The following NHSL2 variants were observed in gnomAD, a reference collection of about 807,000 sequenced individuals.
NHSL2 encodes the protein NHS-like protein 2.
A neutral mutation model predicts 53.4 loss-of-function variants in NHSL2; 27 were observed. That is an observed-to-expected ratio of 0.51 (90% CI 0.37 to 0.70). NHSL2 has a LOEUF of 0.70. NHSL2 is among the 30% of genes least tolerant of loss of function. The probability of loss-of-function intolerance (pLI) is 0.00; values close to 1 mark genes in which losing one functional copy is unlikely to be tolerated. For synonymous variants in NHSL2, 408 were observed against 404.1 expected (o/e 1.01, Z -0.12); for missense variants, 892 against 980.1 (o/e 0.91, Z 1.20).
chrX:72,102,493 A>G (rs2042003342), intron 1 of NHSL2, among the ~76,000 whole-genome samples: 1 of 112,199 alleles, frequency 8.9e-6, no homozygotes. Context: ...ACTCTGTAAA[A>G]TGGGGCTAAA....
At chrX:71,921,034 A>G (rs919992361) in intron 1 of NHSL2, among the ~76,000 whole-genome samples, 2 of 108,915 alleles carry the variant, frequency 1.8e-5, no homozygotes, top group Non-Finnish European at 3.8e-5. Context: ...TGAACTCCTG[A>G]CCTCGTGATC....
chrX:71,989,285 C>T (rs187303047), intron 1 of NHSL2, among the ~76,000 whole-genome samples: 2,102 of 93,681 alleles, frequency 0.022, 61 homozygotes, highest in African/African-American at 0.082. Flanking sequence ...GGAGGCGGAA[C>T]TTGCAGTAAG....
chrX:72,068,073 C>G (rs2042442116), intron 1 of NHSL2, among the ~76,000 whole-genome samples: 2 of 111,872 alleles, frequency 1.8e-5, no homozygotes, highest in South Asian at 7.5e-4. Flanking sequence ...ACTGAAGAAG[C>G]TTCTCTTTGA....
intron 1 of NHSL2, among the ~76,000 whole-genome samples, chrX:72,086,368 G>C (rs1015716588): frequency 8.9e-6 from 1 of 111,938 alleles, no homozygotes; most frequent in African/African-American, 3.3e-5. Context: ...GGAGGCGCAG[G>C]GGTCGGCTTT....
chrX:71,976,298 A>T (rs1489664837), intron 1 of NHSL2, among the ~76,000 whole-genome samples: 1 of 112,002 alleles, frequency 8.9e-6, no homozygotes, highest in East Asian at 2.8e-4. Context: ...CACCTTTCTG[A>T]ATCTCTGTTT....
At chrX:71,972,866 T>TTGTG (rs372160139) in intron 1 of NHSL2, among the ~76,000 whole-genome samples, 8,173 of 93,616 alleles carry the variant, frequency 0.087, 297 homozygotes, top group African/African-American at 0.11. Context: ...ATCTTTATTG[T>TTGTG]TGTGTGTGTG....
chrX:72,007,847 G>A (rs1411509434), intron 1 of NHSL2, among the ~76,000 whole-genome samples: 2 of 113,066 alleles, frequency 1.8e-5, no homozygotes, highest in African/African-American at 6.4e-5. Context: ...GACTTTGGCT[G>A]TGGGGCTGAT....
chrX:72,132,719 C>T (rs1237157741), intron 2 of NHSL2, among the ~76,000 whole-genome samples: 2 of 111,642 alleles, frequency 1.8e-5, no homozygotes, highest in African/African-American at 6.5e-5. Context: ...CAATACACAG[C>T]ACCCAGAGGT....
At chrX:72,086,295 C>G (rs1042712489) in intron 1 of NHSL2, among the ~76,000 whole-genome samples, 7 of 110,062 alleles carry the variant, frequency 6.4e-5, no homozygotes, top group African/African-American at 2.4e-4. Flanking sequence ...GTTGGTTAAA[C>G]AAGGGGGCCC....
chrX:72,067,293 C>T (rs1037143104), intron 1 of NHSL2, among the ~76,000 whole-genome samples: 2 of 111,783 alleles, frequency 1.8e-5, no homozygotes, highest in Non-Finnish European at 1.9e-5. Context: ...TGCCTTTACT[C>T]CCCAAACTCT....
At chrX:72,127,804 G>A (rs977643015) in intron 1 of NHSL2, 6 of 113,128 alleles carry the variant, frequency 5.3e-5, no homozygotes, top group Non-Finnish European at 1.1e-4. Flanking sequence ...CAACAAATTA[G>A]GAGAATGCTT....
Position 72,140,166 on chromosome X carries a change from A to T in NHSL2, c.2618A>T (p.Glu873Val). The change falls in exon 6 of 8, where the codon GAG becomes GTG. Residue 873 changes from glutamate (E) to valine (V), a missense_variant. Glu to Val is a moderately radical substitution (Grantham distance 121). Coordinates refer to ENST00000633930, the MANE Select transcript of NHSL2 (RefSeq NM_001013627.3). ...AGAAAGACAAAACCTCCCGTAGCTGAGAAGCCTCCGGTGGCCCGGAGGCCT... is the reference window on the plus strand; with the variant it reads ...AGAAAGACAAAACCTCCCGTAGCTGTGAAGCCTCCGGTGGCCCGGAGGCCT... ...PERKTKPPVA[E>V]KPPVARRPPS... 1 of 1,211,355 alleles carries T rather than the reference A, an allele frequency of 8.3e-7. No individual in the cohort carries two copies. The highest frequency in any genetic ancestry group is 1.1e-6 in the Non-Finnish European group (1 of 895,186).
chrX:72,033,873 C>T (rs1202407554), intron 1 of NHSL2, among the ~76,000 whole-genome samples: 1 of 111,487 alleles, frequency 9.0e-6, no homozygotes, highest in African/African-American at 3.3e-5. Flanking sequence ...AATTTGTATG[C>T]CTTTTCTTTC....
chrX:71,910,962 G>C lies in NHSL2; in HGVS notation c.-126G>C. 1 of 496,559 alleles carries C rather than the reference G, an allele frequency of 2.0e-6. No homozygotes were observed. Among genetic ancestry groups the C allele is most frequent in the Non-Finnish European group, 2.8e-6 (1 of 362,794 alleles). 40.9% of individuals were successfully genotyped at this position (496,559 alleles called of 1,213,427 possible). A position where few individuals can be genotyped will look rare whatever the true frequency, so the allele number is the denominator to read the frequency against. On this transcript the variant is annotated 5_prime_UTR_variant, in exon 1 of 8. Transcript: ENST00000633930. ...TTGGCGCCCGCACGCTCTCCGGCCCGCGCCCAGGGGCCTGCTACACCCGGA... is the reference window on the plus strand; with the variant it reads ...TTGGCGCCCGCACGCTCTCCGGCCCCCGCCCAGGGGCCTGCTACACCCGGA...
intron 1 of NHSL2, among the ~76,000 whole-genome samples, chrX:71,949,596 CTG>C (rs1230590349): frequency 8.9e-6 from 1 of 111,881 alleles, no homozygotes; most frequent in Non-Finnish European, 1.9e-5. Flanking sequence ...TGGACAGCCA[CTG>C]AGCTCCCCCA....
intron 1 of NHSL2, among the ~76,000 whole-genome samples, chrX:72,102,784 C>T (rs1030602513): frequency 4.5e-5 from 5 of 112,308 alleles, no homozygotes; most frequent in African/African-American, 1.6e-4. Context: ...ACTTATCTGA[C>T]AATCGTGGGC....
chrX:72,106,400 AAAAT>A (rs1309732477), intron 1 of NHSL2, among the ~76,000 whole-genome samples: 1 of 112,129 alleles, frequency 8.9e-6, no homozygotes, highest in Admixed American at 9.5e-5. Context: ...GTGCAGCTTA[AAAAT>A]AAATAAACAA....
intron 1 of NHSL2, among the ~76,000 whole-genome samples, chrX:71,920,440 TACA>T (rs2041651663): frequency 9.1e-6 from 1 of 110,268 alleles, no homozygotes; most frequent in African/African-American, 3.3e-5. Flanking sequence ...CTGTAATCAG[TACA>T]ACATGTTGGT....
chrX:72,066,805 G>C (rs971284165), intron 1 of NHSL2, among the ~76,000 whole-genome samples: 7 of 111,145 alleles, frequency 6.3e-5, no homozygotes, highest in Admixed American at 3.8e-4. Flanking sequence ...GACAGGGCTG[G>C]TGTGAGAACA....
Sources: allele counts gnomAD v4.1 joint callset (sites outside exome capture counted in the v4.1 genomes callset), GRCh38; gene constraint gnomAD v4.1.1; transcripts MANE v1.5; gene names NCBI Gene and HGNC (gene_info 2026-07-23, HGNC 2026-07-21).